GLIS1: variants seen among roughly 807,000 people sequenced by gnomAD.
GLIS1 encodes GLIS family zinc finger 1.
Under a neutral mutation model 63.8 loss-of-function variants are expected in GLIS1, and 24 were observed. That is an observed-to-expected ratio of 0.38 (90% CI 0.27 to 0.53). The LOEUF (loss-of-function observed/expected upper bound fraction) is 0.53. Ranked by LOEUF, GLIS1 falls within the 20% of genes least tolerant of loss-of-function variation. The probability of loss-of-function intolerance (pLI) is 0.85; values close to 1 mark genes in which losing one functional copy is unlikely to be tolerated. For synonymous variants in GLIS1, 450 were observed against 482.5 expected, an observed-to-expected ratio of 0.93 and a Z score of 0.88; for missense variants, 1,036 against 1,074.1, an observed-to-expected ratio of 0.96 and a Z score of 0.50.
At chr1:53,733,375 G>A (rs2100579096) in intron 2 of GLIS1, among the ~76,000 whole-genome samples, 1 of 152,280 alleles carries the variant, frequency 6.6e-6, no homozygotes, top group South Asian at 2.1e-4. Context: ...ATCACAGATG[G>A]AGCAACATAG....
chr1:53,509,122 G>A lies in GLIS1; in HGVS notation c.2228C>T (p.Thr743Ile). ...YHSLSTPLPA[T>I]GYEALAEASC... The stretch of plus-strand genomic sequence containing the variant: ...GGAGCCACGCAGGCAGGGCTCACCT[G>A]TGGCAGGCAAGGGCGTGCTGAGGCT... Residue 743 changes from threonine (T) to isoleucine (I), a missense_variant and splice_region_variant, in exon 10 of 11, where the codon ACA (threonine) becomes ATA (isoleucine). Physicochemically the swap from Thr to Ile is moderately conservative, Grantham distance 89. Coordinates refer to ENST00000628545, the MANE Select transcript of GLIS1 (RefSeq NM_001367484.1). 3 of 1,576,712 alleles carry A rather than the reference G, an allele frequency of 1.9e-6. No homozygotes were observed. Among genetic ancestry groups the A allele is most frequent in the Non-Finnish European group, 2.6e-6 (3 of 1,158,336 alleles).
Position 53,738,095 on chromosome 1 carries a change from C to A in GLIS1, c.-31G>T. ...CGGGGCGGGGCGCACGGCTGGGGGT[C>A]GCGCCGGGCTCCTGGGGAGGGGAGA... On this transcript the variant is annotated 5_prime_UTR_variant, in exon 2 of 11. Coordinates refer to ENST00000628545, the MANE Select transcript of GLIS1 (RefSeq NM_001367484.1). The A allele has an allele frequency of 8.1e-7, 1 of 1,228,516 alleles. No individual in the cohort carries two copies. The highest frequency in any genetic ancestry group is 3.2e-5 in the East Asian group (1 of 31,542). The allele number at this position is 1,228,516 out of a possible 1,614,324, so 76.1% of individuals were successfully genotyped here.
chr1:53,725,298 G>A (rs1198227450), intron 2 of GLIS1, among the ~76,000 whole-genome samples: 1 of 152,144 alleles, frequency 6.6e-6, no homozygotes, highest in Non-Finnish European at 1.5e-5. Context: ...GTAGAGGGCT[G>A]GTCTGCAAAC....
At chr1:53,551,404 C>T (rs1644758203) in intron 4 of GLIS1, among the ~76,000 whole-genome samples, 1 of 152,182 alleles carries the variant, frequency 6.6e-6, no homozygotes, top group Non-Finnish European at 1.5e-5. Flanking sequence ...GGGATGGAGG[C>T]CTTATGCAGA....
At chr1:53,621,478 T>C (rs921879621) in intron 2 of GLIS1, among the ~76,000 whole-genome samples, 3 of 152,264 alleles carry the variant, frequency 2.0e-5, no homozygotes, top group Non-Finnish European at 4.4e-5. Context: ...ATTCTCCAAG[T>C]GCCAGTTGGC....
intron 2 of GLIS1, among the ~76,000 whole-genome samples, chr1:53,678,201 C>T (rs1189394454): frequency 1.3e-5 from 2 of 152,092 alleles, no homozygotes; most frequent in East Asian, 3.9e-4. Flanking sequence ...AGGTGCCTGC[C>T]ACCCTTGCTG....
intron 4 of GLIS1, among the ~76,000 whole-genome samples, chr1:53,546,036 C>T (rs146968089): frequency 9.0e-4 from 137 of 152,324 alleles, no homozygotes; most frequent in African/African-American, 2.8e-3. Context: ...ACCAACTTGC[C>T]GAAGGGCAGG....
chr1:53,553,164 C>A (rs1644779195), intron 4 of GLIS1, among the ~76,000 whole-genome samples: 1 of 151,270 alleles, frequency 6.6e-6, no homozygotes, highest in African/African-American at 2.4e-5. Context: ...TTGGCGAGCA[C>A]ACATTGTGCT....
intron 2 of GLIS1, among the ~76,000 whole-genome samples, chr1:53,642,795 T>C (rs570393613): frequency 6.6e-6 from 1 of 152,112 alleles, no homozygotes; most frequent in Admixed American, 6.5e-5. Context: ...CTCCGGGAAG[T>C]CTCCCTGATC....
At chr1:53,723,961 G>A (rs941779225) in intron 2 of GLIS1, among the ~76,000 whole-genome samples, 12 of 152,278 alleles carry the variant, frequency 7.9e-5, no homozygotes, top group African/African-American at 2.4e-4. Context: ...TGGGTTACCC[G>A]CTAAGGAACC....
chr1:53,717,768 C>G (rs1570098198), intron 2 of GLIS1, among the ~76,000 whole-genome samples: 1 of 152,274 alleles, frequency 6.6e-6, no homozygotes, highest in Non-Finnish European at 1.5e-5. Flanking sequence ...ACTGTGTTTT[C>G]CCCCATCTCG....
chr1:53,731,452 GCTCTCTAGAGCCGCATC>G (rs1160149867), intron 2 of GLIS1, among the ~76,000 whole-genome samples: 1 of 152,208 alleles, frequency 6.6e-6, no homozygotes, highest in Non-Finnish European at 1.5e-5. Flanking sequence ...GGGGCGCGCA[GCTCTCTAGAGCCGCATC>G]CTCTCCTTCC....
At chr1:53,715,463 C>G (rs551207841) in intron 2 of GLIS1, among the ~76,000 whole-genome samples, 1 of 152,106 alleles carries the variant, frequency 6.6e-6, no homozygotes, top group Non-Finnish European at 1.5e-5. Context: ...GAGGCCAGGG[C>G]AGAAGAACAG....
In GLIS1 at chr1:53,691,243, C is replaced by G. The variant is rs570644467; in HGVS notation, c.259+46563G>C. Among the ~76,000 whole-genome samples the G allele has an allele frequency of 3.1e-3, 479 of 152,266 alleles. 2 individuals carry two copies. Among genetic ancestry groups the G allele is most frequent in the African/African-American group, 0.011 (469 of 41,552 alleles). ...TAGGGCGCACTCCCGCTGTGTCCCTCCAGCTGTACCCACAGTGGGAGCTTC... is the reference window on the plus strand; with the variant it reads ...TAGGGCGCACTCCCGCTGTGTCCCTGCAGCTGTACCCACAGTGGGAGCTTC... On this transcript the variant is annotated intron_variant, in intron 2 of 10. Transcript: ENST00000628545.
At chr1:53,663,324 G>A (rs557674976) in intron 2 of GLIS1, among the ~76,000 whole-genome samples, 7 of 152,364 alleles carry the variant, frequency 4.6e-5, no homozygotes, top group Admixed American at 2.6e-4. Flanking sequence ...CTGATTACAC[G>A]GAAGTGAACC....
Position 53,598,891 on chromosome 1 carries a change from C to T in GLIS1, c.437+1210G>A, listed in dbSNP as rs1645288020. 6.6e-6 allele frequency among the ~76,000 whole-genome samples: 1 copy of T among 152,236 alleles called. No homozygotes were observed. The highest frequency in any genetic ancestry group is 1.5e-5 in the Non-Finnish European group (1 of 68,048). On this transcript the variant is annotated intron_variant, in intron 3 of 10. Transcript: ENST00000628545. The surrounding 1 kb of genome is among the most constrained non-coding windows in gnomAD (Gnocchi z 4.6). Reference sequence around the variant, plus strand: ...GAATTTATCCACTGTGGAGCTCTCACGAGAACGTAAACTCCATCAGGAGAG... The same window carrying T: ...GAATTTATCCACTGTGGAGCTCTCATGAGAACGTAAACTCCATCAGGAGAG...
intron 4 of GLIS1, among the ~76,000 whole-genome samples, chr1:53,563,065 CAG>C (rs1174022569): frequency 1.3e-5 from 2 of 152,238 alleles, no homozygotes; most frequent in African/African-American, 4.8e-5. Context: ...AGGACAATCT[CAG>C]AGGACGGGAG....
At chr1:53,559,752 C>G (rs968569160) in intron 4 of GLIS1, among the ~76,000 whole-genome samples, 1 of 152,194 alleles carries the variant, frequency 6.6e-6, no homozygotes, top group African/African-American at 2.4e-5. Context: ...GGAGGGAGCT[C>G]TGTTTCTCTC....
At chr1:53,637,430 T>C (rs1375136124) in intron 2 of GLIS1, among the ~76,000 whole-genome samples, 1 of 152,164 alleles carries the variant, frequency 6.6e-6, no homozygotes, top group Non-Finnish European at 1.5e-5. Context: ...GAGAGGTCAC[T>C]CTTCTATCTG....
Sources: allele counts gnomAD v4.1 joint callset (sites outside exome capture counted in the v4.1 genomes callset), GRCh38; gene constraint gnomAD v4.1.1; non-coding constraint Gnocchi (gnomAD v3.1); transcripts MANE v1.5; gene names NCBI Gene and HGNC (gene_info 2026-07-23, HGNC 2026-07-21).